The following PHLDB2 variants were observed in gnomAD, a reference collection of about 807,000 sequenced individuals.
The protein encoded by PHLDB2 is pleckstrin homology like domain family B member 2, also known as pleckstrin homology-like domain family B member 2.
PHLDB2 carries 71 observed loss-of-function variants against 123.6 expected under a neutral mutation model. That is an observed-to-expected ratio of 0.57 (90% CI 0.47 to 0.70). The LOEUF (loss-of-function observed/expected upper bound fraction) is 0.70. Ranked by LOEUF, PHLDB2 falls within the 30% of genes least tolerant of loss-of-function variation. PHLDB2 has a pLI of 0.00. For missense variants in PHLDB2, 1,446 were observed against 1,519.5 expected, an observed-to-expected ratio of 0.95 and a Z score of 0.80; for synonymous variants, 547 against 541.6, an observed-to-expected ratio of 1.01 and a Z score of -0.14.
chr3:111,870,538 A>T (rs2108701200), intron 1 of PHLDB2, among the ~76,000 whole-genome samples: 1 of 152,214 alleles, frequency 6.6e-6, no homozygotes, highest in African/African-American at 2.4e-5. Flanking sequence ...TCCCTCTTCC[A>T]TGTGTTTTGA....
intron 7 of PHLDB2, among the ~76,000 whole-genome samples, 197 bp downstream of exon 7, chr3:111,939,827 G>A (rs1481507172): frequency 6.6e-6 from 1 of 152,200 alleles, no homozygotes; most frequent in Admixed American, 6.5e-5. Context: ...TTTATGAATA[G>A]TACCTAATTG....
intron 1 of PHLDB2, among the ~76,000 whole-genome samples, chr3:111,836,521 G>A (rs1393497848): frequency 6.6e-6 from 1 of 152,120 alleles, no homozygotes; most frequent in East Asian, 1.9e-4. Flanking sequence ...GCAAGCATTA[G>A]GGACAGGGCT....
chr3:111,824,269 G>C (rs1471199743), intron 1 of PHLDB2, among the ~76,000 whole-genome samples: 1 of 152,162 alleles, frequency 6.6e-6, no homozygotes, highest in Non-Finnish European at 1.5e-5. Context: ...GAATTTCACA[G>C]TGGTTTTCTT....
intron 2 of PHLDB2, chr3:111,885,782 C>G: frequency 1.7e-6 from 1 of 588,734 alleles, no homozygotes; most frequent in Admixed American, 3.1e-5. Flanking sequence ...ATTAAATTTG[C>G]TTGTGTATGG....
At chr3:111,924,492 T>C (rs920046386) in intron 5 of PHLDB2, among the ~76,000 whole-genome samples, 10 of 152,266 alleles carry the variant, frequency 6.6e-5, no homozygotes, top group Middle Eastern at 3.4e-3. Context: ...TGCCAAAGAG[T>C]GCAGCCAAGT....
At chr3:111,958,422 A>G in intron 12 of PHLDB2, 1 of 524,580 alleles carries the variant, frequency 1.9e-6, no homozygotes, top group Non-Finnish European at 2.6e-6. Context: ...TATATACCAC[A>G]TATTGGGAAT....
At chr3:111,773,530 A>T (rs1576555764) in intron 1 of PHLDB2, among the ~76,000 whole-genome samples, 1 of 152,292 alleles carries the variant, frequency 6.6e-6, no homozygotes, top group Admixed American at 6.5e-5. Context: ...CCACGATCTT[A>T]TGCTCTCTCA....
At chr3:111,765,470 CA>C (rs2060063345) in intron 1 of PHLDB2, among the ~76,000 whole-genome samples, 1 of 152,224 alleles carries the variant, frequency 6.6e-6, no homozygotes, top group South Asian at 2.1e-4. Flanking sequence ...ACCCAGTTTT[CA>C]GATGAGAAAA....
chr3:111,839,459 A>C (rs1462172558), intron 1 of PHLDB2, among the ~76,000 whole-genome samples: 1 of 152,200 alleles, frequency 6.6e-6, no homozygotes, highest in Non-Finnish European at 1.5e-5. Flanking sequence ...CCAGAAAAAA[A>C]ATGTTCTTTG....
At chr3:111,935,880 GA>G (rs1406244886) in intron 6 of PHLDB2, among the ~76,000 whole-genome samples, 1 of 152,150 alleles carries the variant, frequency 6.6e-6, no homozygotes, top group Non-Finnish European at 1.5e-5. Context: ...GATCCTCCCA[GA>G]CACACCCAGG....
At position 111,884,978 on chromosome 3, in the gene PHLDB2, T is replaced by G. The variant is rs1242490138; in HGVS notation, c.901T>G (p.Tyr301Asp). The G allele has an allele frequency of 3.1e-6, 5 of 1,613,950 alleles. No homozygotes were observed. The highest frequency in any genetic ancestry group is 4.2e-6 in the Non-Finnish European group (5 of 1,180,006). ...LPHSVIDNDN[Y>D]LNFSSLSSGA... is the part of the protein sequence containing the mutation. ...TCATAGCGTAATAGACAATGACAATTACCTTAATTTTTCTTCTTTGAGCTC... is the reference window on the plus strand; with the variant it reads ...TCATAGCGTAATAGACAATGACAATGACCTTAATTTTTCTTCTTTGAGCTC... Residue 301 changes from tyrosine (Y) to aspartate (D), a missense_variant, in exon 2 of 18, where the codon TAC becomes GAC. Around this residue, in one of 3 missense-constraint regions of PHLDB2, gnomAD observed 832 missense variants for 831.9 expected, o/e 1.00. Coordinates refer to ENST00000431670, the MANE Select transcript of PHLDB2 (RefSeq NM_001134438.2).
At chr3:111,947,349 A>G (rs1275275696) in intron 9 of PHLDB2, among the ~76,000 whole-genome samples, 1 of 152,160 alleles carries the variant, frequency 6.6e-6, no homozygotes, top group Non-Finnish European at 1.5e-5. Context: ...GTTGAGTACA[A>G]CAATGAGTTG....
chr3:111,923,926 T>C (rs1053355618), intron 5 of PHLDB2, among the ~76,000 whole-genome samples: 4 of 152,254 alleles, frequency 2.6e-5, no homozygotes, highest in African/African-American at 9.6e-5. Context: ...AATTAGACCA[T>C]ATTACTGTGG....
At chr3:111,813,779 C>A in intron 1 of PHLDB2, among the ~76,000 whole-genome samples, 1 of 152,110 alleles carries the variant, frequency 6.6e-6, no homozygotes, top group East Asian at 1.9e-4. Flanking sequence ...TGGATGCATA[C>A]AATTCATTGT....
intron 2 of PHLDB2, among the ~76,000 whole-genome samples, chr3:111,909,539 A>T (rs998307165): frequency 1.3e-5 from 2 of 152,164 alleles, no homozygotes; most frequent in Non-Finnish European, 2.9e-5. Context: ...CGAGGCTTGC[A>T]GTGAGCTATG....
At chr3:111,832,304 T>C (rs1024250621) in intron 1 of PHLDB2, among the ~76,000 whole-genome samples, 2 of 152,176 alleles carry the variant, frequency 1.3e-5, no homozygotes, top group Non-Finnish European at 2.9e-5. Flanking sequence ...TTTTCAACTT[T>C]ACTGCTTCTG....
chr3:111,943,764 G>A (rs775446837), intron 8 of PHLDB2, among the ~76,000 whole-genome samples: 1 of 152,118 alleles, frequency 6.6e-6, no homozygotes, highest in African/African-American at 2.4e-5. Context: ...GAAGCAACTA[G>A]AACTTTCATA....
chr3:111,889,789 C>G (rs1211987653), intron 2 of PHLDB2, among the ~76,000 whole-genome samples: 1 of 152,154 alleles, frequency 6.6e-6, no homozygotes, highest in Non-Finnish European at 1.5e-5. Context: ...TTAAATTTAT[C>G]TAACTACTTG....
intron 7 of PHLDB2, 138 bp from the exon 8 acceptor site, chr3:111,940,397 A>C: frequency 2.0e-6 from 1 of 507,198 alleles, no homozygotes; most frequent in Non-Finnish European, 3.5e-6. Context: ...TCTTGGTAAT[A>C]ATCACTGCCC....
Sources: gnomAD v4.1 joint callset for allele counts (sites outside exome capture counted in the v4.1 genomes callset) on GRCh38, gnomAD v4.1.1 for gene constraint, gnomAD v4.1.1 regional missense constraint, MANE v1.5 for transcripts, NCBI Gene and HGNC (gene_info 2026-07-23, HGNC 2026-07-21) for gene names.